FAM193A: variants seen among roughly 807,000 people sequenced by gnomAD.
FAM193A encodes protein FAM193A.
Under a neutral mutation model 126.5 loss-of-function variants are expected in FAM193A, and 22 were observed. The observed-to-expected ratio is 0.17, with a 90% CI of 0.12 to 0.25. FAM193A has a LOEUF of 0.25. Ranked by LOEUF, FAM193A falls within the 10% of genes least tolerant of loss-of-function variation. The pLI is 1.00. For synonymous variants in FAM193A, 761 were observed against 646.8 expected (o/e 1.18, Z -2.68); for missense variants, 1,675 against 1,672.8 (o/e 1.00, Z -0.02).
At chr4:2,710,882 C>T (rs568925275) in intron 19 of FAM193A, among the ~76,000 whole-genome samples, 80 of 132,394 alleles carry the variant, frequency 6.0e-4, no homozygotes, top group Non-Finnish European at 1.1e-3. Flanking sequence ...GACAGAGTCT[C>T]GCTCTTTCGC....
intron 20 of FAM193A, among the ~76,000 whole-genome samples, chr4:2,723,102 C>T (rs1720339393): frequency 1.3e-5 from 2 of 151,912 alleles, no homozygotes; most frequent in African/African-American, 2.4e-5. Flanking sequence ...TGAAACCCCA[C>T]CTCTACTAAA....
At chr4:2,594,988 C>G (rs1379001609) in intron 1 of FAM193A, among the ~76,000 whole-genome samples, 6 of 151,672 alleles carry the variant, frequency 4.0e-5, no homozygotes, top group Admixed American at 3.3e-4. Flanking sequence ...ACCACCACGC[C>G]CAGCTAATTT....
chr4:2,617,130 T>C (rs1483448840), intron 2 of FAM193A, among the ~76,000 whole-genome samples: 4 of 117,040 alleles, frequency 3.4e-5, no homozygotes, highest in African/African-American at 1.4e-4. Context: ...ATCGTGCCAC[T>C]GCACTCGAGC....
At chr4:2,626,931 G>GA (rs1368030652) in intron 4 of FAM193A, among the ~76,000 whole-genome samples, 2 of 152,090 alleles carry the variant, frequency 1.3e-5, no homozygotes, top group Non-Finnish European at 2.9e-5. Flanking sequence ...AACCCAAGGA[G>GA]AAAGGCCGAG....
chr4:2,624,999 A>C (rs759012037), intron 2 of FAM193A, among the ~76,000 whole-genome samples: 1 of 152,188 alleles, frequency 6.6e-6, no homozygotes, highest in African/African-American at 2.4e-5. Context: ...CTGGGACTAC[A>C]GGCGGGCACC....
intron 1 of FAM193A, among the ~76,000 whole-genome samples, chr4:2,555,648 C>T (rs757463608): frequency 8.5e-5 from 13 of 152,118 alleles, no homozygotes; most frequent in African/African-American, 2.4e-4. Flanking sequence ...GACAGAGTCT[C>T]GCTCTGTCAC....
At chr4:2,584,940 AAAC>A (rs1740152041) in intron 1 of FAM193A, among the ~76,000 whole-genome samples, 1 of 152,030 alleles carries the variant, frequency 6.6e-6, no homozygotes, top group African/African-American at 2.4e-5. Flanking sequence ...AGGAAAAAAA[AAAC>A]AAACCAAAAC....
intron 2 of FAM193A, among the ~76,000 whole-genome samples, chr4:2,601,010 C>T (rs919332350): frequency 6.6e-6 from 1 of 152,170 alleles, no homozygotes; most frequent in Non-Finnish European, 1.5e-5. Context: ...GTTGCGGCTA[C>T]ACAGGAGGCT....
intron 7 of FAM193A, among the ~76,000 whole-genome samples, chr4:2,653,293 A>G (rs1199206679): frequency 6.6e-6 from 1 of 152,196 alleles, no homozygotes; most frequent in Non-Finnish European, 1.5e-5. Flanking sequence ...AAAATGGTAT[A>G]TATGTAAAAA....
intron 7 of FAM193A, among the ~76,000 whole-genome samples, chr4:2,657,356 C>CTTTG (rs1486641789): frequency 2.6e-5 from 4 of 152,092 alleles, no homozygotes; most frequent in African/African-American, 7.2e-5. Context: ...CTCCTAACTT[C>CTTTG]TTTGTTAGTT....
At chr4:2,700,642 C>A in intron 19 of FAM193A, 98 bp downstream of exon 19, 1 of 1,426,178 alleles carries the variant, frequency 7.0e-7, no homozygotes, top group Non-Finnish European at 9.5e-7. Flanking sequence ...CATGCTCTCG[C>A]CATGTGGCCT....
chr4:2,703,386 A>G (rs1172177483), intron 19 of FAM193A, among the ~76,000 whole-genome samples: 1 of 152,118 alleles, frequency 6.6e-6, no homozygotes, highest in East Asian at 1.9e-4. Context: ...AGCTGAAATT[A>G]CAGGCACGTG....
At chr4:2,561,918 G>C (rs1794453) in intron 1 of FAM193A, among the ~76,000 whole-genome samples, 150,046 of 152,256 alleles carry the variant, frequency 0.99, 73,964 homozygotes, top group Middle Eastern at 1. Flanking sequence ...CTCAACTTGT[G>C]TATGTTTAGA....
chr4:2,728,238 ATTTTTTTT>A (rs58609064), intron 20 of FAM193A, among the ~76,000 whole-genome samples: 1 of 82,064 alleles, frequency 1.2e-5, no homozygotes, highest in African/African-American at 4.9e-5. Context: ...ACCCGGCCCA[ATTTTTTTT>A]TTTTTTTTTT....
At chr4:2,604,983 A>AT (rs1417959240) in intron 2 of FAM193A, among the ~76,000 whole-genome samples, 3 of 147,134 alleles carry the variant, frequency 2.0e-5, no homozygotes, top group Non-Finnish European at 4.5e-5. Context: ...TTTTTTTTAA[A>AT]TTTTTTGTAG....
At chr4:2,578,139 C>G (rs1330565986) in intron 1 of FAM193A, among the ~76,000 whole-genome samples, 2 of 152,132 alleles carry the variant, frequency 1.3e-5, no homozygotes, top group African/African-American at 4.8e-5. Flanking sequence ...CAGTGAAGCT[C>G]ACTGCAGCCT....
intron 2 of FAM193A, among the ~76,000 whole-genome samples, chr4:2,601,451 T>TA (rs1741193215): frequency 6.6e-6 from 1 of 152,054 alleles, no homozygotes; most frequent in African/African-American, 2.4e-5. Flanking sequence ...GCCAGGCTGT[T>TA]CTCTAACTCC....
intron 1 of FAM193A, among the ~76,000 whole-genome samples, chr4:2,562,318 G>A (rs770961933): frequency 5.3e-5 from 8 of 152,064 alleles, no homozygotes; most frequent in Non-Finnish European, 8.8e-5. Flanking sequence ...TGGCTGCGGT[G>A]GTGCGTGCCT....
At chr4:2,593,535 G>T (rs1317102311) in intron 1 of FAM193A, among the ~76,000 whole-genome samples, 1 of 152,124 alleles carries the variant, frequency 6.6e-6, no homozygotes, top group African/African-American at 2.4e-5. Context: ...TCATGTATTT[G>T]TCTTATTTAT....
Sources: allele counts gnomAD v4.1 joint callset (sites outside exome capture counted in the v4.1 genomes callset), GRCh38; gene constraint gnomAD v4.1.1; transcripts MANE v1.5; gene names NCBI Gene and HGNC (gene_info 2026-07-23, HGNC 2026-07-21).